The following SLC35F3 variants were observed in gnomAD, a reference collection of about 807,000 sequenced individuals.
The protein encoded by SLC35F3 is solute carrier family 35 member F3.
In SLC35F3, 25 loss-of-function variants were observed where a neutral mutation model predicts 49.9. The ratio of observed to expected loss-of-function variants is 0.50; its 90% confidence interval spans 0.37 to 0.70. The LOEUF (loss-of-function observed/expected upper bound fraction) is 0.70, where lower values mean the gene tolerates loss of function less well. Ranked by LOEUF, SLC35F3 falls within the 30% of genes least tolerant of loss-of-function variation. The probability of loss-of-function intolerance (pLI) is 0.00; values close to 1 mark genes in which losing one functional copy is unlikely to be tolerated. For synonymous variants in SLC35F3, 275 were observed against 265.4 expected (o/e 1.04, Z -0.35); for missense variants, 525 against 639.8 (o/e 0.82, Z 1.94).
intron 2 of SLC35F3, among the ~76,000 whole-genome samples, chr1:234,002,164 G>A (rs1308655907): frequency 6.6e-6 from 1 of 152,174 alleles, no homozygotes. Context: ...CAATTGTGAA[G>A]ATAGTACAGA....
At chr1:234,045,350 T>C (rs1461119407) in intron 2 of SLC35F3, among the ~76,000 whole-genome samples, 3 of 152,238 alleles carry the variant, frequency 2.0e-5, no homozygotes, top group African/African-American at 7.2e-5. Flanking sequence ...TTAAATCTTA[T>C]AATTATAGCT....
intron 2 of SLC35F3, among the ~76,000 whole-genome samples, chr1:234,123,018 G>C (rs1056190326): frequency 1.2e-4 from 18 of 152,192 alleles, no homozygotes; most frequent in African/African-American, 4.3e-4. Flanking sequence ...GGTATTTCTG[G>C]TTCTAGATCC....
rs781469880 is a variant in SLC35F3, at chr1:234,081,904, A to ATTTTTTTTTTTTTTTTTT, written c.284-149498_284-149481dup. ...AGGCGCCTGCCACCATGCCTGGCTA[A>ATTTTTTTTTTTTTTTTTT]TTTTTTTTTTTTTTTTTTTTTTTTT... On this transcript the variant is annotated intron_variant, in intron 2 of 7. Coordinates refer to ENST00000366618, the MANE Select transcript of SLC35F3 (RefSeq NM_173508.4). Among the ~76,000 whole-genome samples the ATTTTTTTTTTTTTTTTTT allele has an allele frequency of 8.7e-4, 34 of 39,232 alleles. 9 individuals carry two copies. Among genetic ancestry groups the ATTTTTTTTTTTTTTTTTT allele is most frequent in the African/African-American group, 3.8e-3 (28 of 7,466 alleles). 25.7% of individuals were successfully genotyped at this position (39,232 alleles called of 152,430 possible). A position where few individuals can be genotyped will look rare whatever the true frequency, so the allele number is the denominator to read the frequency against.
chr1:234,259,294 C>T (rs1012980720), intron 3 of SLC35F3, among the ~76,000 whole-genome samples: 2 of 152,160 alleles, frequency 1.3e-5, no homozygotes, highest in Admixed American at 1.3e-4. Flanking sequence ...AAGCCTTAAA[C>T]GAAAACCTAT....
intron 3 of SLC35F3, among the ~76,000 whole-genome samples, chr1:234,266,588 G>A (rs998444278): frequency 2.0e-5 from 3 of 151,580 alleles, no homozygotes; most frequent in African/African-American, 7.3e-5. Flanking sequence ...TAGGGATTTC[G>A]TTGTTGTGTG....
chr1:234,274,795 A>C (rs1312717026), intron 3 of SLC35F3, among the ~76,000 whole-genome samples: 1 of 152,232 alleles, frequency 6.6e-6, no homozygotes, highest in Non-Finnish European at 1.5e-5. Context: ...TGTTGTATAC[A>C]AAAGCAGACA....
At chr1:234,059,335 TG>T (rs751457282) in intron 2 of SLC35F3, among the ~76,000 whole-genome samples, 1 of 152,156 alleles carries the variant, frequency 6.6e-6, no homozygotes, top group African/African-American at 2.4e-5. Context: ...CTGTTTTAGC[TG>T]CACTCCACAT....
chr1:234,321,415 T>A (rs964957514), intron 7 of SLC35F3, among the ~76,000 whole-genome samples: 5 of 152,198 alleles, frequency 3.3e-5, no homozygotes, highest in Non-Finnish European at 7.3e-5. Context: ...AAATAACCGA[T>A]GAGACAGCAT....
At chr1:234,069,956 A>T (rs1182932346) in intron 2 of SLC35F3, among the ~76,000 whole-genome samples, 1 of 152,170 alleles carries the variant, frequency 6.6e-6, no homozygotes, top group Admixed American at 6.5e-5. Flanking sequence ...GGCCTTGGTT[A>T]TACAGGAATG....
intron 2 of SLC35F3, among the ~76,000 whole-genome samples, chr1:234,077,009 T>G (rs1021452190): frequency 4.1e-5 from 6 of 147,898 alleles, no homozygotes; most frequent in East Asian, 2.0e-4. Flanking sequence ...TTTTTTTTTT[T>G]TTTTTTGAGA....
intron 2 of SLC35F3, among the ~76,000 whole-genome samples, chr1:234,070,608 AT>A (rs1426126493): frequency 2.0e-5 from 3 of 152,134 alleles, no homozygotes; most frequent in Non-Finnish European, 4.4e-5. Flanking sequence ...TGTGTCCGCA[AT>A]TTGTTTTTAA....
chr1:233,954,410 A>G (rs1157819294), intron 2 of SLC35F3, among the ~76,000 whole-genome samples: 2 of 152,202 alleles, frequency 1.3e-5, no homozygotes, highest in Non-Finnish European at 2.9e-5. Flanking sequence ...ACCATGCAGG[A>G]GTTAGGCCAG....
intron 2 of SLC35F3, among the ~76,000 whole-genome samples, chr1:234,006,159 G>T (rs973554445): frequency 6.6e-6 from 1 of 152,150 alleles, no homozygotes; most frequent in Admixed American, 6.5e-5. Context: ...CAGGCTGGAG[G>T]CTGGGAACAG....
intron 2 of SLC35F3, among the ~76,000 whole-genome samples, chr1:233,914,744 G>A (rs561224247): frequency 3.9e-4 from 60 of 152,308 alleles, no homozygotes; most frequent in African/African-American, 1.4e-3. Context: ...CACAGCAGGA[G>A]GATGAACCAT....
intron 2 of SLC35F3, among the ~76,000 whole-genome samples, chr1:234,093,922 G>C (rs1454964280): frequency 2.6e-5 from 4 of 152,252 alleles, no homozygotes; most frequent in Admixed American, 2.0e-4. Flanking sequence ...GCAGCTGCAG[G>C]ATGTTTTTGC....
At chr1:234,236,888 C>T (rs1477060935) in intron 3 of SLC35F3, among the ~76,000 whole-genome samples, 1 of 139,394 alleles carries the variant, frequency 7.2e-6, no homozygotes, top group Non-Finnish European at 1.5e-5. Flanking sequence ...AAGGAACTCA[C>T]AACTGAGTGG....
chr1:234,310,926 A>T (rs1455967041), intron 4 of SLC35F3, among the ~76,000 whole-genome samples: 1 of 152,130 alleles, frequency 6.6e-6, no homozygotes, highest in Non-Finnish European at 1.5e-5. Flanking sequence ...CCCCCCACCC[A>T]AGAGTCATCC....
intron 2 of SLC35F3, among the ~76,000 whole-genome samples, chr1:233,908,536 CTTTTTTTTT>C (rs898041195): frequency 1.2e-5 from 1 of 84,880 alleles, no homozygotes; most frequent in African/African-American, 4.6e-5. Context: ...GTAAAGGATT[CTTTTTTTTT>C]TTTTTTTTTT....
At chr1:233,977,396 G>C (rs1012812038) in intron 2 of SLC35F3, among the ~76,000 whole-genome samples, 1 of 152,174 alleles carries the variant, frequency 6.6e-6, no homozygotes, top group Non-Finnish European at 1.5e-5. Context: ...TGTAGTCACA[G>C]CTCTCATATT....
Sources: allele counts gnomAD v4.1 joint callset (sites outside exome capture counted in the v4.1 genomes callset), GRCh38; gene constraint gnomAD v4.1.1; transcripts MANE v1.5; gene names NCBI Gene and HGNC (gene_info 2026-07-23, HGNC 2026-07-21).